ACSM5: variants seen among roughly 807,000 people sequenced by gnomAD.
ACSM5 encodes the protein acyl-CoA synthetase medium chain family member 5.
In ACSM5, 56 loss-of-function variants were observed where a neutral mutation model predicts 71.6. The observed-to-expected ratio is 0.78, with a 90% CI of 0.63 to 0.98. The LOEUF (loss-of-function observed/expected upper bound fraction) is 0.98. ACSM5 is among the 50% of genes least tolerant of loss of function. The pLI, the probability that ACSM5 is intolerant of heterozygous loss-of-function variation, is 0.00. For missense variants in ACSM5, 723 were observed against 726.0 expected, an observed-to-expected ratio of 1.00 and a Z score of 0.05; for synonymous variants, 285 against 281.5, an observed-to-expected ratio of 1.01 and a Z score of -0.12.
At position 20,427,748 on chromosome 16, in the gene ACSM5, A is replaced by G. The variant is rs12921615; in HGVS notation, c.922-40A>G. On this transcript the variant is annotated intron_variant, in intron 6 of 13. Coordinates refer to ENST00000331849, the MANE Select transcript of ACSM5 (RefSeq NM_017888.3). ...GCTCCATCTTCATGGTCCCACCCCA[A>G]TGATTCTAAGGACATCTTTCACCCT... The G allele has an allele frequency of 0.082, 113,997 of 1,394,582 alleles. 6,139 individuals carry two copies. Among genetic ancestry groups the G allele is most frequent in the East Asian group, 0.22 (9,594 of 43,674 alleles). 86.4% of individuals were successfully genotyped at this position (1,394,582 alleles called of 1,614,324 possible).
chr16:20,431,855 A>G (rs1462478238), intron 10 of ACSM5, among the ~76,000 whole-genome samples: 3 of 152,014 alleles, frequency 2.0e-5, no homozygotes, highest in Non-Finnish European at 4.4e-5. Flanking sequence ...GGAGGCTGAG[A>G]CAGGAGAATT....
intron 6 of ACSM5, among the ~76,000 whole-genome samples, chr16:20,427,029 ACAGT>A (rs750336101): frequency 0.026 from 3,777 of 147,114 alleles, 28 homozygotes; most frequent in East Asian, 0.07. Flanking sequence ...GTGGCCGGGC[ACAGT>A]GGTTCATACC....
At chr16:20,415,078 G>T (rs147217964) in intron 2 of ACSM5, among the ~76,000 whole-genome samples, 2 of 152,268 alleles carry the variant, frequency 1.3e-5, no homozygotes, top group Non-Finnish European at 2.9e-5. Context: ...TAGCTAAGGA[G>T]ATTTCCCAGC....
intron 12 of ACSM5, among the ~76,000 whole-genome samples, chr16:20,437,949 C>T (rs113356501): frequency 6.6e-6 from 1 of 151,784 alleles, no homozygotes; most frequent in Non-Finnish European, 1.5e-5. Context: ...CAGCACCCCC[C>T]CCAGTAGCTG....
intron 6 of ACSM5, among the ~76,000 whole-genome samples, chr16:20,425,209 T>C (rs570380418): frequency 6.6e-6 from 1 of 152,198 alleles, no homozygotes; most frequent in Non-Finnish European, 1.5e-5. Context: ...TCAATTGTTT[T>C]GACTTTTAAA....
At chr16:20,411,138 G>C (rs1966846885) in intron 1 of ACSM5, among the ~76,000 whole-genome samples, 1 of 152,230 alleles carries the variant, frequency 6.6e-6, no homozygotes. Context: ...CCCTAGAGCT[G>C]TCTTCAGCTT....
At chr16:20,418,356 C>G in intron 3 of ACSM5, 87 bp downstream of exon 3, 1 of 1,295,864 alleles carries the variant, frequency 7.7e-7, no homozygotes, top group Non-Finnish European at 1.1e-6. Context: ...GAAGATGGAG[C>G]AAAAATAAAC....
chr16:20,437,385 G>A lies in ACSM5; in HGVS notation c.1536+18G>A. The A allele has an allele frequency of 6.4e-7, 1 of 1,552,374 alleles. No individual in the cohort carries two copies. On this transcript the variant is annotated intron_variant, in intron 12 of 13. Coordinates refer to ENST00000331849, the MANE Select transcript of ACSM5 (RefSeq NM_017888.3). Reference sequence around the variant, plus strand: ...GGGGAGAGGTAACCAGTGCACCCAAGAACATGGCCTCCTGCTTCTGTACCT... The same window carrying A: ...GGGGAGAGGTAACCAGTGCACCCAAAAACATGGCCTCCTGCTTCTGTACCT...
rs1478640650 is a variant in ACSM5, at chr16:20,438,795, A to T, written c.1537-1005A>T. Among the ~76,000 whole-genome samples, 2 of 150,720 alleles carry T rather than the reference A, an allele frequency of 1.3e-5. 1 individual carries two copies. Among genetic ancestry groups the T allele is most frequent in the Non-Finnish European group, 3.0e-5 (2 of 67,546 alleles). ...ACAGTGAAACCCCATCTCTACTAAAAATACTAAAAATTAGCCAGGCGTGGC... is the reference window on the plus strand; with the variant it reads ...ACAGTGAAACCCCATCTCTACTAAATATACTAAAAATTAGCCAGGCGTGGC... On this transcript the variant is annotated intron_variant, in intron 12 of 13. Transcript: ENST00000331849.
intron 2 of ACSM5, chr16:20,412,086 C>G (rs112196115): frequency 0.043 from 10,264 of 238,112 alleles, 270 homozygotes; most frequent in South Asian, 0.066. Flanking sequence ...TGGCTCATGA[C>G]CATAATCCCA....
chr16:20,428,766 G>A (rs1216260385), intron 7 of ACSM5, among the ~76,000 whole-genome samples: 1 of 152,110 alleles, frequency 6.6e-6, no homozygotes, highest in Non-Finnish European at 1.5e-5. Flanking sequence ...TAAGAACAAT[G>A]TCGTTGAATG....
chr16:20,436,900 G>C (rs1483425073), intron 10 of ACSM5, 152 bp from the exon 11 acceptor site: 1 of 772,608 alleles, frequency 1.3e-6, no homozygotes, highest in African/African-American at 1.8e-5. Context: ...ATAACTCCCT[G>C]TCCATTGGGG....
chr16:20,427,871 C>T lies in ACSM5; in HGVS notation c.1001+4C>T, dbSNP rs765040529. 1 of 1,610,690 alleles carries T rather than the reference C, an allele frequency of 6.2e-7. No homozygotes were observed. The highest frequency in any genetic ancestry group is 2.2e-5 in the East Asian group (1 of 44,844). The stretch of plus-strand genomic sequence containing the variant: ...TTGTGCAGGAGGATCTGACCAGGTA[C>T]AGCCCGTCTATTTCGTGCTTTGAGG... On this transcript the variant is annotated splice_donor_region_variant and intron_variant, in intron 7 of 13. Transcript: ENST00000331849.
Position 20,424,023 on chromosome 16 carries a change from T to A in ACSM5, c.875T>A (p.Ile292Asn), listed in dbSNP as rs1404363723. 8 of 1,614,164 alleles carry A rather than the reference T, an allele frequency of 5.0e-6. No homozygotes were observed. In the South Asian group the frequency reaches 8.8e-5, roughly 18 times the overall value. Residue 292 changes from isoleucine (I) to asparagine (N), a missense_variant, in exon 6 of 14, where the codon ATT becomes AAT. Coordinates refer to ENST00000331849, the MANE Select transcript of ACSM5 (RefSeq NM_017888.3). ...LFSAWPNGSCIFVHELPRVDA... is the reference protein window; with the variant it reads ...LFSAWPNGSCNFVHELPRVDA... ...TCTGCCTGGCCTAATGGATCTTGCA[T>A]TTTTGTGCATGAGCTGCCCCGAGTT...
rs1255772453 is a variant in ACSM5 at position 20,416,319 on chromosome 16, A to G, written c.205-1740A>G. On this transcript the variant is annotated intron_variant, in intron 2 of 13. Coordinates refer to ENST00000331849, the MANE Select transcript of ACSM5 (RefSeq NM_017888.3). Reference sequence around the variant, plus strand: ...AAAAAAAGAAGACTCACACTTTTCTATTTCAAGTCTACTGCAAAGTTACAG... The same window carrying G: ...AAAAAAAGAAGACTCACACTTTTCTGTTTCAAGTCTACTGCAAAGTTACAG... Among the ~76,000 whole-genome samples, 3 of 151,780 alleles carry G rather than the reference A, an allele frequency of 2.0e-5. No homozygotes were observed. The East Asian group carries it at 5.8e-4, about 29-fold the overall frequency.
chr16:20,433,102 C>G (rs1202576294), intron 10 of ACSM5, among the ~76,000 whole-genome samples: 2 of 152,096 alleles, frequency 1.3e-5, no homozygotes, highest in East Asian at 3.9e-4. Flanking sequence ...AAGTGATCTG[C>G]CCGCCTCGGG....
At chr16:20,432,594 C>G (rs1265958178) in intron 10 of ACSM5, among the ~76,000 whole-genome samples, 2 of 151,982 alleles carry the variant, frequency 1.3e-5, no homozygotes, top group Admixed American at 6.6e-5. Flanking sequence ...ATCTTTGACC[C>G]CACTGAAAAA....
intron 8 of ACSM5, among the ~76,000 whole-genome samples, chr16:20,430,085 G>A (rs1240016552): frequency 2.6e-5 from 4 of 151,934 alleles, no homozygotes; most frequent in Admixed American, 6.6e-5. Context: ...AAAAAACTAC[G>A]TATTGGGTAT....
At chr16:20,417,688 G>A (rs1966859707) in intron 2 of ACSM5, among the ~76,000 whole-genome samples, 1 of 152,144 alleles carries the variant, frequency 6.6e-6, no homozygotes, top group Non-Finnish European at 1.5e-5. Context: ...CTTTAAAATG[G>A]TGATTTTTAT....
Sources: gnomAD v4.1 joint callset for allele counts (sites outside exome capture counted in the v4.1 genomes callset) on GRCh38, gnomAD v4.1.1 for gene constraint, MANE v1.5 for transcripts, NCBI Gene and HGNC (gene_info 2026-07-23, HGNC 2026-07-21) for gene names.